Variants in PDE1A observed in about 807,000 individuals in gnomAD.
The protein encoded by PDE1A is dual specificity calcium/calmodulin-dependent 3',5'-cyclic nucleotide phosphodiesterase 1A.
A neutral mutation model predicts 61.7 loss-of-function variants in PDE1A; 35 were observed. The ratio of observed to expected loss-of-function variants is 0.57; its 90% CI spans 0.43 to 0.75. PDE1A has a LOEUF of 0.75. Among genes scored for constraint, PDE1A ranks in the 30% least tolerant of loss-of-function variants. PDE1A has a pLI of 0.00. For synonymous variants in PDE1A, 232 were observed against 213.2 expected, an observed-to-expected ratio of 1.09 and a Z score of -0.77; for missense variants, 597 against 630.6, an observed-to-expected ratio of 0.95 and a Z score of 0.57.
the PDE1A span, among the ~76,000 whole-genome samples, chr2:182,571,935 A>G: frequency 6.6e-6 from 1 of 152,204 alleles, no homozygotes; most frequent in Non-Finnish European, 1.5e-5. Context: ...AAAGCTAACC[A>G]TGTGGCAAAG....
intron 1 of PDE1A, among the ~76,000 whole-genome samples, chr2:182,329,198 C>T (rs1414552831): frequency 1.3e-5 from 2 of 152,076 alleles, no homozygotes; most frequent in Non-Finnish European, 2.9e-5. Context: ...AAATTGCCAA[C>T]CTCCTATTCC....
At chr2:182,573,480 C>T in the PDE1A span, among the ~76,000 whole-genome samples, 2 of 152,114 alleles carry the variant, frequency 1.3e-5, no homozygotes, top group East Asian at 1.9e-4. Flanking sequence ...GAAAAACAAA[C>T]GAGGGGCTAT....
At chr2:182,439,581 GAACATTTCCACTA>G (rs1684660106) in intron 2 of PDE1A, among the ~76,000 whole-genome samples, 1 of 151,970 alleles carries the variant, frequency 6.6e-6, no homozygotes, top group Non-Finnish European at 1.5e-5. Context: ...AAGACTAGTG[GAACATTTCCACTA>G]AACATTTCCA....
intron 2 of PDE1A, among the ~76,000 whole-genome samples, chr2:182,242,810 C>T (rs1024233972): frequency 3.3e-5 from 5 of 152,096 alleles, no homozygotes; most frequent in African/African-American, 1.2e-4. Flanking sequence ...TTCAGACTTG[C>T]CAGCACCAAT....
At chr2:182,334,269 C>T (rs112567988) in intron 1 of PDE1A, among the ~76,000 whole-genome samples, 1 of 149,096 alleles carries the variant, frequency 6.7e-6, no homozygotes, top group Admixed American at 6.7e-5. Context: ...CTGGAAGAGA[C>T]ACACACACAC....
At chr2:182,332,093 T>C (rs1478311936) in intron 1 of PDE1A, among the ~76,000 whole-genome samples, 1 of 152,212 alleles carries the variant, frequency 6.6e-6, no homozygotes, top group Non-Finnish European at 1.5e-5. Flanking sequence ...CTTTATTTCA[T>C]TAAGTTCATC....
chr2:182,517,148 A>T (rs1282543797), intron 2 of PDE1A, among the ~76,000 whole-genome samples: 1 of 152,186 alleles, frequency 6.6e-6, no homozygotes, highest in Non-Finnish European at 1.5e-5. Context: ...TGGATGCAAG[A>T]TAAATATAAT....
intron 6 of PDE1A, among the ~76,000 whole-genome samples, chr2:182,226,147 AAT>A (rs1415712235): frequency 1.3e-5 from 2 of 149,766 alleles, no homozygotes; most frequent in Non-Finnish European, 2.9e-5. Context: ...TGTATTTATA[AAT>A]ATAGCTGTGG....
chr2:182,260,886 G>GA (rs57873401), intron 2 of PDE1A, among the ~76,000 whole-genome samples: 2,358 of 152,128 alleles, frequency 0.016, 38 homozygotes, highest in African/African-American at 0.031. Context: ...CAAGCCCTAG[G>GA]GTCAGACTGC....
At chr2:182,140,232 T>C (rs1690170879) in exon 15 of PDE1A, 1 of 151,966 alleles carries the variant, frequency 6.6e-6, no homozygotes, top group Non-Finnish European at 1.5e-5. Context: ...TTATCTCCTT[T>C]ATAAGACTTG....
At chr2:182,407,445 C>T (rs752401547) in intron 1 of PDE1A, among the ~76,000 whole-genome samples, 1 of 151,798 alleles carries the variant, frequency 6.6e-6, no homozygotes, top group Non-Finnish European at 1.5e-5. Flanking sequence ...ACAGTGGTGC[C>T]ATCTCAGCTC....
At chr2:182,332,446 A>G (rs1697478645) in intron 1 of PDE1A, among the ~76,000 whole-genome samples, 1 of 152,082 alleles carries the variant, frequency 6.6e-6, no homozygotes, top group African/African-American at 2.4e-5. Flanking sequence ...GGGTTTTGGG[A>G]ATTCTCAGCC....
intron 2 of PDE1A, among the ~76,000 whole-genome samples, chr2:182,246,225 C>T (rs1255876242): frequency 1.3e-5 from 2 of 152,128 alleles, no homozygotes; most frequent in South Asian, 2.1e-4. Flanking sequence ...TTGCTTTTGC[C>T]TCAGGGCCTG....
the PDE1A span, among the ~76,000 whole-genome samples, chr2:182,551,321 T>C: frequency 6.6e-6 from 1 of 152,138 alleles, no homozygotes; most frequent in Admixed American, 6.5e-5. Flanking sequence ...GAATCATCTT[T>C]GCCAATAATG....
the PDE1A span, among the ~76,000 whole-genome samples, chr2:182,590,756 G>C: frequency 1.3e-5 from 2 of 152,106 alleles, no homozygotes; most frequent in African/African-American, 4.8e-5. Flanking sequence ...GGGAAAACCT[G>C]GTTCTGAGAG....
At chr2:182,297,626 T>C (rs1967008) in intron 1 of PDE1A, among the ~76,000 whole-genome samples, 2,461 of 152,358 alleles carry the variant, frequency 0.016, 43 homozygotes, top group African/African-American at 0.033. Flanking sequence ...TAAAAGATGC[T>C]ATCAGTGCCT....
chr2:182,281,604 T>C (rs1013367675), intron 1 of PDE1A, among the ~76,000 whole-genome samples: 31 of 152,002 alleles, frequency 2.0e-4, no homozygotes, highest in Non-Finnish European at 1.2e-4. Flanking sequence ...GCATACTCTA[T>C]GTACACCATA....
intron 2 of PDE1A, among the ~76,000 whole-genome samples, chr2:182,453,998 T>C (rs1685716180): frequency 6.6e-6 from 1 of 152,030 alleles, no homozygotes; most frequent in South Asian, 2.1e-4. Flanking sequence ...GCAGATGACA[T>C]GACTGTATAT....
At chr2:182,550,333 G>A in the PDE1A span, among the ~76,000 whole-genome samples, 1 of 152,078 alleles carries the variant, frequency 6.6e-6, no homozygotes, top group African/African-American at 2.4e-5. Context: ...AGGGCACTTC[G>A]CTAGCCTTTC....
Sources: allele counts gnomAD v4.1 joint callset (sites outside exome capture counted in the v4.1 genomes callset), GRCh38; gene constraint gnomAD v4.1.1; transcripts MANE v1.5; gene names NCBI Gene and HGNC (gene_info 2026-07-23, HGNC 2026-07-21).